TG: variants seen among roughly 807,000 people sequenced by gnomAD.
TG encodes the protein thyroglobulin, also known as thyroid hormones.
In TG, 270 loss-of-function variants were observed where a neutral mutation model predicts 324.7. That is an observed-to-expected ratio of 0.83 (90% CI 0.75 to 0.92). The LOEUF is 0.92. TG is among the 40% of genes least tolerant of loss of function. The pLI, the probability that TG is intolerant of heterozygous loss-of-function variation, is 0.00. For synonymous variants in TG, 1,401 were observed against 1,327.0 expected (o/e 1.06, Z -1.21); for missense variants, 3,591 against 3,456.4 (o/e 1.04, Z -0.98).
chr8:132,928,839 G>A (rs1032935392), intron 22 of TG, among the ~76,000 whole-genome samples: 2 of 152,130 alleles, frequency 1.3e-5, no homozygotes, highest in East Asian at 1.9e-4. Flanking sequence ...TTAAATTTCC[G>A]CCTCACTTCG....
At chr8:132,923,580 G>A (rs1344703112) in intron 22 of TG, 72 bp downstream of exon 22, 2 of 1,524,150 alleles carry the variant, frequency 1.3e-6, no homozygotes, top group Non-Finnish European at 1.8e-6. Context: ...TTTTAGAAAG[G>A]GAGAGAAGCT....
chr8:132,885,968 C>G (rs180221), intron 8 of TG, among the ~76,000 whole-genome samples: 80,528 of 151,984 alleles, frequency 0.53, 21,452 homozygotes, highest in East Asian at 0.58. Flanking sequence ...ACATGACCTT[C>G]TTATAAGGAC....
intron 35 of TG, among the ~76,000 whole-genome samples, chr8:133,000,667 G>A (rs1040659769): frequency 4.6e-5 from 7 of 152,168 alleles, no homozygotes; most frequent in Non-Finnish European, 8.8e-5. Context: ...TGTCTGTGCC[G>A]CTTCGTACAG....
intron 24 of TG, among the ~76,000 whole-genome samples, chr8:132,935,137 C>CTTTTTTTTTT (rs34047530): frequency 7.3e-6 from 1 of 136,400 alleles, no homozygotes; most frequent in Non-Finnish European, 1.6e-5. Flanking sequence ...CTGGCAAACT[C>CTTTTTTTTTT]TTTTTTTTTT....
chr8:133,079,763 A>T (rs1225230855), intron 41 of TG, among the ~76,000 whole-genome samples: 1 of 152,190 alleles, frequency 6.6e-6, no homozygotes, highest in Non-Finnish European at 1.5e-5. Context: ...CTTTCTATCG[A>T]TGGAGAAAAC....
At chr8:132,948,240 G>A (rs889011082) in intron 26 of TG, among the ~76,000 whole-genome samples, 1 of 80,940 alleles carries the variant, frequency 1.2e-5, no homozygotes, top group Non-Finnish European at 2.5e-5. Flanking sequence ...ACCCTTCAAG[G>A]TTGATCTTGT....
At chr8:133,028,971 A>T (rs1836365171) in intron 40 of TG, among the ~76,000 whole-genome samples, 1 of 152,120 alleles carries the variant, frequency 6.6e-6, no homozygotes, top group African/African-American at 2.4e-5. Context: ...CAGGACCATC[A>T]CCAACATGTA....
intron 23 of TG, among the ~76,000 whole-genome samples, chr8:132,932,951 T>C (rs1022636649): frequency 6.6e-6 from 1 of 152,218 alleles, no homozygotes; most frequent in Non-Finnish European, 1.5e-5. Context: ...GCTTAGTAAC[T>C]GTACAAGTTC....
chr8:133,002,709 A>G (rs780902190), intron 35 of TG: 10 of 236,376 alleles, frequency 4.2e-5, no homozygotes, highest in Admixed American at 3.7e-4. Context: ...GCTTCAGTTG[A>G]GCCCAGGTAC....
At chr8:133,077,279 T>C (rs1459422102) in intron 41 of TG, among the ~76,000 whole-genome samples, 1 of 151,376 alleles carries the variant, frequency 6.6e-6, no homozygotes, top group Non-Finnish European at 1.5e-5. Context: ...GCCCATAGAG[T>C]GGGTTCCTGT....
Position 133,120,586 on chromosome 8 carries a change from T to TA in TG, c.7862+3871dup, listed in dbSNP as rs139291819. Among the ~76,000 whole-genome samples, 1,413 of 152,326 alleles carry TA rather than the reference T, an allele frequency of 9.3e-3. 25 individuals are homozygous for TA. The highest frequency in any genetic ancestry group is 0.033 in the African/African-American group (1,354 of 41,572). Reference sequence around the variant, plus strand: ...CCTAAGGCGATTCTTGGCTCATAGATATCTGTGTTCTTCGTCCGGTATTTC... The same window carrying TA: ...CCTAAGGCGATTCTTGGCTCATAGATAATCTGTGTTCTTCGTCCGGTATTTC... On this transcript the variant is annotated intron_variant, in intron 45 of 47. Coordinates refer to ENST00000220616, the MANE Select transcript of TG (RefSeq NM_003235.5).
intron 35 of TG, among the ~76,000 whole-genome samples, chr8:132,991,396 C>T (rs1248465017): frequency 6.6e-6 from 1 of 152,190 alleles, no homozygotes; most frequent in African/African-American, 2.4e-5. Flanking sequence ...TAAAGGCACA[C>T]AGGACTGATT....
At chr8:132,914,806 A>G (rs1820052110) in intron 20 of TG, among the ~76,000 whole-genome samples, 1 of 152,130 alleles carries the variant, frequency 6.6e-6, no homozygotes, top group Non-Finnish European at 1.5e-5. Flanking sequence ...GCAGGAGTGG[A>G]TGGTGCCACC....
At chr8:132,972,789 T>C in intron 34 of TG, 48 bp downstream of exon 34, 1 of 1,611,362 alleles carries the variant, frequency 6.2e-7, no homozygotes. Flanking sequence ...TAGTTAACTA[T>C]TTCCCAGCCA....
chr8:132,892,227 TCCAA>T (rs1164029866), intron 10 of TG, among the ~76,000 whole-genome samples: 1 of 152,170 alleles, frequency 6.6e-6, no homozygotes, highest in Non-Finnish European at 1.5e-5. Flanking sequence ...CATCCATCCA[TCCAA>T]CCATCTATCC....
rs561508365 is a variant in TG at position 133,050,981 on chromosome 8, G to A, written c.7239+20958G>A. The A allele has an allele frequency of 1.4e-4, 122 of 871,202 alleles. 1 individual carries two copies. The highest frequency in any genetic ancestry group is 2.3e-4 in the Non-Finnish European group (116 of 514,016). The allele number at this position is 871,202 out of a possible 1,614,324, so 54.0% of individuals were successfully genotyped here. On this transcript the variant is annotated intron_variant, in intron 41 of 47. Coordinates refer to ENST00000220616, the MANE Select transcript of TG (RefSeq NM_003235.5). ...TTTATTCACAAGGAGCTTAAAGGTA[G>A]GCTTGGGAGGGAGGGTATGAAGATG...
At chr8:133,013,796 C>T in intron 37 of TG, 32 bp downstream of exon 37, 1 of 1,598,586 alleles carries the variant, frequency 6.3e-7, no homozygotes. Flanking sequence ...TGCAGCCATC[C>T]TGGGAAACTG....
chr8:133,092,412 A>G (rs551389012), intron 41 of TG, among the ~76,000 whole-genome samples: 20 of 152,344 alleles, frequency 1.3e-4, no homozygotes, highest in African/African-American at 4.6e-4. Flanking sequence ...TAGCTAGGTC[A>G]GATTTAGATA....
At chr8:132,880,177 G>T (rs1814454160) in intron 5 of TG, among the ~76,000 whole-genome samples, 1 of 152,188 alleles carries the variant, frequency 6.6e-6, no homozygotes, top group Non-Finnish European at 1.5e-5. Flanking sequence ...GAGATAGGCA[G>T]CATGTAGTGG....
Sources: gnomAD v4.1 joint callset for allele counts (sites outside exome capture counted in the v4.1 genomes callset) on GRCh38, gnomAD v4.1.1 for gene constraint, MANE v1.5 for transcripts, NCBI Gene and HGNC (gene_info 2026-07-23, HGNC 2026-07-21) for gene names.